Variants in CARS1 observed in about 807,000 individuals in gnomAD.
CARS1 encodes the protein cysteine--tRNA ligase, cytoplasmic.
CARS1 carries 48 observed loss-of-function variants against 106.2 expected under a neutral mutation model. That is an observed-to-expected ratio of 0.45 (90% confidence interval 0.36 to 0.57). The LOEUF (loss-of-function observed/expected upper bound fraction) is 0.57, where lower values mean the gene tolerates loss of function less well. CARS1 is among the 20% of genes least tolerant of loss of function. The probability of loss-of-function intolerance (pLI) is 0.00; values close to 1 mark genes in which losing one functional copy is unlikely to be tolerated. For synonymous variants in CARS1, 409 were observed against 403.4 expected, an observed-to-expected ratio of 1.01 and a Z score of -0.17; for missense variants, 968 against 1,057.2, an observed-to-expected ratio of 0.92 and a Z score of 1.17.
chr11:3,026,646 C>T (rs764302068), intron 10 of CARS1, 30 bp downstream of exon 10: 6 of 1,610,640 alleles, frequency 3.7e-6, no homozygotes, highest in Non-Finnish European at 5.1e-6. Flanking sequence ...GGAGGGAGAG[C>T]CCACATGCTC....
Position 3,057,407 on chromosome 11 carries a change from T to C in CARS1, c.-40A>G. 1.3e-6 allele frequency: 2 copies of C among 1,596,388 alleles called. No individual in the cohort carries two copies. Among genetic ancestry groups the C allele is most frequent in the Non-Finnish European group, 1.7e-6 (2 of 1,168,004 alleles). On this transcript the variant is annotated 5_prime_UTR_variant, in exon 1 of 23. Coordinates refer to ENST00000380525, the MANE Select transcript of CARS1 (RefSeq NM_001014437.3). ...GACCCGCAGCTGCGGCTACAGACAC[T>C]TCCTAGAATCTGATGCAACCGCCGC... is the stretch of plus-strand genomic sequence containing the variant.
At chr11:3,012,993 G>C (rs1279734792) in intron 17 of CARS1, among the ~76,000 whole-genome samples, 1 of 148,568 alleles carries the variant, frequency 6.7e-6, no homozygotes, top group Non-Finnish European at 1.5e-5. Flanking sequence ...AGGTTCAAGC[G>C]ATTCACCTGC....
At chr11:3,054,062 C>G (rs548276538) in intron 1 of CARS1, among the ~76,000 whole-genome samples, 1 of 152,118 alleles carries the variant, frequency 6.6e-6, no homozygotes, top group Non-Finnish European at 1.5e-5. Context: ...AGACATGAAT[C>G]GTGGGGAGGA....
At chr11:3,055,490 T>C (rs745854768) in intron 1 of CARS1, among the ~76,000 whole-genome samples, 68 of 152,300 alleles carry the variant, frequency 4.5e-4, no homozygotes, top group Middle Eastern at 3.4e-3. Context: ...GTGTGTGTGA[T>C]GGGAGGAGGC....
rs374198977 is a variant in CARS1, at chr11:3,025,507, C to G, written c.1153+1169G>C. Among the ~76,000 whole-genome samples, 8 of 152,330 alleles carry G rather than the reference C, an allele frequency of 5.3e-5. No individual in the cohort carries two copies. In the South Asian group the frequency reaches 8.3e-4, roughly 16 times the overall value. On this transcript the variant is annotated intron_variant, in intron 10 of 22. Transcript: ENST00000380525. ...CCTCCAAAAGTGCTGGGATTATAGG[C>G]GTGAGCCACCGCACCTTTATTTTAG...
chr11:3,013,315 G>A (rs1006180556), intron 17 of CARS1, among the ~76,000 whole-genome samples: 10 of 152,092 alleles, frequency 6.6e-5, no homozygotes, highest in Non-Finnish European at 1.3e-4. Flanking sequence ...ACTACGCCCA[G>A]CTAATTTTGT....
rs1233503965 is a variant in CARS1, at chr11:3,027,552, G to C, written c.1032-755C>G. The C allele has an allele frequency of 5.4e-5, 11 of 204,922 alleles. No homozygotes were observed. The East Asian group carries it at 1.4e-3, about 25-fold the overall frequency. 12.7% of individuals were successfully genotyped at this position (204,922 alleles called of 1,614,324 possible). A position where few individuals can be genotyped will look rare whatever the true frequency, so the allele number is the denominator to read the frequency against. On this transcript the variant is annotated intron_variant, in intron 9 of 22. Transcript: ENST00000380525. Reference sequence around the variant, plus strand: ...ATAGTTATACCAGATATAGATCTTAGATATGATTATATATGAATATCATTA... The same window carrying C: ...ATAGTTATACCAGATATAGATCTTACATATGATTATATATGAATATCATTA...
At chr11:3,013,166 T>G (rs1590348245) in intron 17 of CARS1, among the ~76,000 whole-genome samples, 3 of 151,656 alleles carry the variant, frequency 2.0e-5, no homozygotes. Flanking sequence ...TCCCCTTTTT[T>G]TTTTTGAGAT....
rs202179971 is a variant in CARS1 at position 3,002,613 on chromosome 11, T to C, written c.2218-13A>G. The C allele has an allele frequency of 7.2e-4, 1,160 of 1,614,016 alleles. 3 individuals carry two copies. Among genetic ancestry groups the C allele is most frequent in the Admixed American group, 8.5e-4 (51 of 60,016 alleles). On this transcript the variant is annotated splice_polypyrimidine_tract_variant and intron_variant, in intron 20 of 22. Transcript: ENST00000380525. ...TCTCCTCTTCAACCTGGAGGGTCAA[T>C]ACAGAGCCAGATGAGACAGGGCTGC...
At chr11:3,025,767 A>G (rs1301355634) in intron 10 of CARS1, among the ~76,000 whole-genome samples, 1 of 152,232 alleles carries the variant, frequency 6.6e-6, no homozygotes, top group Non-Finnish European at 1.5e-5. Context: ...AGGGTTCCCA[A>G]TATAATTCTG....
rs551679798 is a variant in CARS1, at chr11:3,017,798, G to A, written c.1727+59C>T. ...CCAGGACACATGGTGGCCAAGATGC[G>A]AGGCTAGGCATAGAACATGGGCATG... is the stretch of plus-strand genomic sequence containing the variant. On this transcript the variant is annotated intron_variant, in intron 15 of 22. Coordinates refer to ENST00000380525, the MANE Select transcript of CARS1 (RefSeq NM_001014437.3). This position sits in a 1 kb window ranked among gnomAD's most constrained non-coding sequence, Gnocchi z 4.9. 73 of 1,144,844 alleles carry A rather than the reference G, an allele frequency of 6.4e-5. No homozygotes were observed. The highest frequency in any genetic ancestry group is 8.9e-5 in the Non-Finnish European group (67 of 756,136). 70.9% of individuals were successfully genotyped at this position (1,144,844 alleles called of 1,614,324 possible). A position where few individuals can be genotyped will look rare whatever the true frequency, so the allele number is the denominator to read the frequency against.
intron 1 of CARS1, among the ~76,000 whole-genome samples, chr11:3,051,926 G>A (rs1463452767): frequency 3.9e-5 from 6 of 152,300 alleles, no homozygotes; most frequent in African/African-American, 9.6e-5. Flanking sequence ...CTGAGACAGC[G>A]AGCTGACAGT....
Position 3,053,846 on chromosome 11 carries a change from C to T in CARS1, c.25+3497G>A, listed in dbSNP as rs1183842538. Among the ~76,000 whole-genome samples the T allele has an allele frequency of 6.6e-6, 1 of 152,144 alleles. No individual in the cohort carries two copies. Among genetic ancestry groups the T allele is most frequent in the African/African-American group, 2.4e-5 (1 of 41,422 alleles). ...GGTCTGCACCCCTCACTCACCCTGA[C>T]CCTTTGCCCTCTGACCCTGCTACTT... is the stretch of plus-strand genomic sequence containing the variant. On this transcript the variant is annotated intron_variant, in intron 1 of 22. Coordinates refer to ENST00000380525, the MANE Select transcript of CARS1 (RefSeq NM_001014437.3). This position sits in a 1 kb window ranked among gnomAD's most constrained non-coding sequence, Gnocchi z 6.6.
At chr11:3,018,217 C>G in intron 14 of CARS1, 191 bp downstream of exon 14, 1 of 613,550 alleles carries the variant, frequency 1.6e-6, no homozygotes, top group East Asian at 2.7e-5. Flanking sequence ...TCTGTCCACT[C>G]TGCTGAGCCG....
chr11:3,002,175 C>T (rs1394209143), intron 21 of CARS1, 122 bp from the exon 22 acceptor site: 4 of 737,004 alleles, frequency 5.4e-6, no homozygotes, highest in South Asian at 4.8e-5. Context: ...ATTCAGAGTG[C>T]TATGAAAGAT....
chr11:3,026,966 C>T, intron 9 of CARS1, 169 bp from the exon 10 acceptor site: 2 of 708,482 alleles, frequency 2.8e-6, no homozygotes, highest in Non-Finnish European at 2.2e-6. Flanking sequence ...CTGAGTGGGA[C>T]ACCAGGGCCC....
intron 10 of CARS1, among the ~76,000 whole-genome samples, chr11:3,023,125 C>A (rs1015169549): frequency 1.3e-5 from 2 of 152,056 alleles, no homozygotes; most frequent in Non-Finnish European, 2.9e-5. Flanking sequence ...AAGAAAAAGA[C>A]CCTAGATGGG....
intron 1 of CARS1, among the ~76,000 whole-genome samples, chr11:3,057,000 T>A (rs1856275615): frequency 6.6e-6 from 1 of 152,162 alleles, no homozygotes; most frequent in Admixed American, 6.5e-5. Context: ...GGGGTCCCAG[T>A]GGCCGTCCCT....
At chr11:3,047,704 A>C in intron 2 of CARS1, 49 bp downstream of exon 2, 1 of 1,563,718 alleles carries the variant, frequency 6.4e-7, no homozygotes, top group Non-Finnish European at 8.7e-7. Flanking sequence ...AAAGCCCTTG[A>C]CCTTGGGAGA....
Sources: allele counts gnomAD v4.1 joint callset (sites outside exome capture counted in the v4.1 genomes callset), GRCh38; gene constraint gnomAD v4.1.1; non-coding constraint Gnocchi (gnomAD v3.1); transcripts MANE v1.5; gene names NCBI Gene and HGNC (gene_info 2026-07-23, HGNC 2026-07-21).